F9: variants seen among roughly 807,000 people sequenced by gnomAD.
The protein encoded by F9 is Christmas factor.
F9 carries 2 observed loss-of-function variants against 34.1 expected under a neutral mutation model. That is an observed-to-expected ratio of 0.06 (90% CI 0.02 to 0.18). The LOEUF (loss-of-function observed/expected upper bound fraction) is 0.18, where lower values mean the gene tolerates loss of function less well. F9 is among the 10% of genes least tolerant of loss of function. F9 has a pLI of 1.00. For missense variants in F9, 216 were observed against 345.1 expected (o/e 0.63, Z 2.96); for synonymous variants, 137 against 118.8 (o/e 1.15, Z -1.00).
intron 4 of F9, among the ~76,000 whole-genome samples, chrX:139,542,824 T>A (rs1046520794): frequency 2.7e-5 from 3 of 111,411 alleles, no homozygotes; most frequent in Non-Finnish European, 5.7e-5. Context: ...ACTTGGATAC[T>A]CTCATGTTCC....
At position 139,551,272 on chromosome X, in the gene F9, A is replaced by G; in HGVS notation, c.723+8A>G. On this transcript the variant is annotated splice_region_variant and intron_variant, in intron 6 of 7. Transcript: ENST00000218099. The stretch of plus-strand genomic sequence containing the variant: ...GGTCAATTCCCTTGGCAGGTACTTT[A>G]TACTGATGGTGTGTCAAAACTGGAG... 1.7e-6 allele frequency: 2 copies of G among 1,199,894 alleles called. No individual in the cohort carries two copies. The highest frequency in any genetic ancestry group is 1.7e-5 in the African/African-American group (1 of 57,568).
chrX:139,532,053 G>A lies in F9; in HGVS notation c.88+1201G>A, dbSNP rs4149660. ...AGTGGTGAGATGATGAAGGTTGTAAGAGGGCTTCTGCCCCCTTGAAGACTT... is the reference window on the plus strand; with the variant it reads ...AGTGGTGAGATGATGAAGGTTGTAAAAGGGCTTCTGCCCCCTTGAAGACTT... On this transcript the variant is annotated intron_variant, in intron 1 of 7. Transcript: ENST00000218099. 4.1e-3 allele frequency among the ~76,000 whole-genome samples: 461 copies of A among 112,146 alleles called. 3 individuals are homozygous for A. The highest frequency in any genetic ancestry group is 0.014 in the African/African-American group (422 of 30,883).
Position 139,561,654 on chromosome X carries a change from A to G in F9, c.969A>G (p.Glu323=), listed in dbSNP as rs528270752. ...NHDIALLELD[E]PLVLNSYVTP... is the part of the protein sequence containing the mutation. Reference sequence around the variant, plus strand: ...ACATTGCCCTTCTGGAACTGGACGAACCCTTAGTGCTAAACAGCTACGTTA... The same window carrying G: ...ACATTGCCCTTCTGGAACTGGACGAGCCCTTAGTGCTAAACAGCTACGTTA... Residue 323 remains glutamate, a synonymous_variant, in exon 8 of 8, where the codon GAA becomes GAG. Coordinates refer to ENST00000218099, the MANE Select transcript of F9 (RefSeq NM_000133.4). 7 of 1,210,224 alleles carry G rather than the reference A, an allele frequency of 5.8e-6. No individual in the cohort carries two copies. In the African/African-American group the frequency reaches 1.0e-4, roughly 18 times the overall value.
intron 6 of F9, among the ~76,000 whole-genome samples, chrX:139,553,505 TG>T (rs1927891138): frequency 9.0e-6 from 1 of 111,574 alleles, no homozygotes; most frequent in African/African-American, 3.3e-5. Flanking sequence ...TCCTTGGGTT[TG>T]TGGGACATAG....
intron 3 of F9, among the ~76,000 whole-genome samples, chrX:139,540,750 T>C (rs1447418853): frequency 8.9e-6 from 1 of 111,967 alleles, no homozygotes; most frequent in Non-Finnish European, 1.9e-5. Context: ...TAAGGAAGGA[T>C]TGAAAATCCT....
intron 6 of F9, among the ~76,000 whole-genome samples, chrX:139,560,366 AGGAG>A (rs1928070890): frequency 8.9e-6 from 1 of 112,245 alleles, no homozygotes; most frequent in Non-Finnish European, 1.9e-5. Flanking sequence ...ATTAATCTCA[AGGAG>A]TCAAGCCAGT....
At chrX:139,561,146 T>A (rs1928092349) in intron 7 of F9, among the ~76,000 whole-genome samples, 1 of 111,787 alleles carries the variant, frequency 8.9e-6, no homozygotes, top group African/African-American at 3.3e-5. Flanking sequence ...CTTTTATCTC[T>A]GGTGCTTGGC....
At chrX:139,554,902 T>G (rs894216061) in intron 6 of F9, among the ~76,000 whole-genome samples, 4 of 111,502 alleles carry the variant, frequency 3.6e-5, no homozygotes, top group African/African-American at 1.3e-4. Context: ...AAGAAGAACA[T>G]AGAGAGTTCA....
At chrX:139,542,241 A>G (rs758354590) in intron 4 of F9, among the ~76,000 whole-genome samples, 16 of 112,154 alleles carry the variant, frequency 1.4e-4, no homozygotes, top group Admixed American at 9.5e-4. Flanking sequence ...AAATTCATTG[A>G]CCATCTTCCT....
At chrX:139,553,527 A>C (rs1927891945) in intron 6 of F9, among the ~76,000 whole-genome samples, 1 of 111,663 alleles carries the variant, frequency 9.0e-6, no homozygotes, top group Non-Finnish European at 1.9e-5. Flanking sequence ...AACAGTGCTC[A>C]GAGTAGGGGA....
chrX:139,555,977 T>C (rs1927958520), intron 6 of F9, among the ~76,000 whole-genome samples: 1 of 111,641 alleles, frequency 9.0e-6, no homozygotes, highest in African/African-American at 3.3e-5. Flanking sequence ...TTGGATCCCA[T>C]GCCCATGACC....
At chrX:139,537,206 A>G in intron 2 of F9, 33 bp downstream of exon 2, 1 of 1,192,884 alleles carries the variant, frequency 8.4e-7, no homozygotes, top group Non-Finnish European at 1.1e-6. Context: ...CTTCAGATGC[A>G]GAGCATAGAA....
At chrX:139,542,451 T>A (rs1202844967) in intron 4 of F9, among the ~76,000 whole-genome samples, 1 of 111,658 alleles carries the variant, frequency 9.0e-6, no homozygotes, top group Non-Finnish European at 1.9e-5. Flanking sequence ...TCTGAAGTGC[T>A]ACTTTCATCT....
chrX:139,530,969 C>CT, intron 1 of F9, 117 bp downstream of exon 1: 1 of 639,422 alleles, frequency 1.6e-6, no homozygotes. Context: ...ATTGAAGAGT[C>CT]TAACAGCCAG....
chrX:139,545,271 G>A (rs1347766406), intron 4 of F9: 1 of 111,993 alleles, frequency 8.9e-6, no homozygotes, highest in Non-Finnish European at 1.9e-5. Context: ...GTCTTACATT[G>A]TTTATGTTCC....
At chrX:139,551,961 G>C (rs865880858) in intron 6 of F9, among the ~76,000 whole-genome samples, 1 of 111,459 alleles carries the variant, frequency 9.0e-6, no homozygotes, top group Admixed American at 9.5e-5. Context: ...AGACTGAGAC[G>C]GGAGGATTGC....
At chrX:139,543,802 C>T (rs1026364619) in intron 4 of F9, among the ~76,000 whole-genome samples, 2 of 111,695 alleles carry the variant, frequency 1.8e-5, no homozygotes, top group African/African-American at 3.2e-5. Flanking sequence ...AGACCCCCTT[C>T]GGGACCAGAG....
chrX:139,563,419 G>A lies in F9; in HGVS notation c.*1348G>A, dbSNP rs1369277004. ...GAGAGTTGCTGACCAACTGACGTAT[G>A]TTTCCCTTTGTGAATTAATAAACTG... On this transcript the variant is annotated 3_prime_UTR_variant, in exon 8 of 8. Transcript: ENST00000218099. 9.0e-6 allele frequency: 1 copy of A among 111,581 alleles called. No individual in the cohort carries two copies. The highest frequency in any genetic ancestry group is 1.9e-5 in the Non-Finnish European group (1 of 53,159). 9.2% of individuals were successfully genotyped at this position (111,581 alleles called of 1,213,427 possible). A position where few individuals can be genotyped will look rare whatever the true frequency, so the allele number is the denominator to read the frequency against.
At chrX:139,550,018 T>C (rs1646061475) in intron 5 of F9, among the ~76,000 whole-genome samples, 1 of 111,308 alleles carries the variant, frequency 9.0e-6, no homozygotes, top group African/African-American at 3.3e-5. Flanking sequence ...AAAACCTAAC[T>C]TCCAGTATAG....
Sources: gnomAD v4.1 joint callset for allele counts (sites outside exome capture counted in the v4.1 genomes callset) on GRCh38, gnomAD v4.1.1 for gene constraint, MANE v1.5 for transcripts, NCBI Gene and HGNC (gene_info 2026-07-23, HGNC 2026-07-21) for gene names.